PPM1E: variants seen among roughly 807,000 people sequenced by gnomAD.
The protein encoded by PPM1E is protein phosphatase 1E.
PPM1E carries 20 observed loss-of-function variants against 65.9 expected under a neutral mutation model. That is an observed-to-expected ratio of 0.30 (90% CI 0.21 to 0.44). The LOEUF (loss-of-function observed/expected upper bound fraction) is 0.44, where lower values mean the gene tolerates loss of function less well. Ranked by LOEUF, PPM1E falls within the 20% of genes least tolerant of loss-of-function variation. The pLI, the probability that PPM1E is intolerant of heterozygous loss-of-function variation, is 1.00. For missense variants in PPM1E, 713 were observed against 953.1 expected (o/e 0.75, Z 3.32); for synonymous variants, 352 against 374.9 (o/e 0.94, Z 0.70).
At chr17:58,877,382 T>C (rs1456365174) in intron 1 of PPM1E, among the ~76,000 whole-genome samples, 3 of 152,168 alleles carry the variant, frequency 2.0e-5, no homozygotes, top group East Asian at 3.8e-4. Flanking sequence ...GGCTCACATA[T>C]TATGTTTCTA....
intron 1 of PPM1E, among the ~76,000 whole-genome samples, chr17:58,923,118 CTACTAAAAA>C (rs1429559661): frequency 6.8e-6 from 1 of 147,076 alleles, no homozygotes; most frequent in African/African-American, 2.5e-5. Context: ...AAACCCATCT[CTACTAAAAA>C]TACAAAAATT....
At chr17:58,798,218 C>T (rs1003317752) in intron 1 of PPM1E, among the ~76,000 whole-genome samples, 12 of 145,750 alleles carry the variant, frequency 8.2e-5, no homozygotes, top group African/African-American at 1.0e-4. Flanking sequence ...GTGTGAATTA[C>T]GTTTTTTGTT....
At chr17:58,767,858 T>A (rs1160515673) in intron 1 of PPM1E, among the ~76,000 whole-genome samples, 1 of 152,040 alleles carries the variant, frequency 6.6e-6, no homozygotes, top group African/African-American at 2.4e-5. Context: ...GTCAGACTGG[T>A]CTCGAACTCC....
At chr17:58,765,940 G>A (rs571991473) in intron 1 of PPM1E, among the ~76,000 whole-genome samples, 1 of 149,392 alleles carries the variant, frequency 6.7e-6, no homozygotes, top group African/African-American at 2.5e-5. Flanking sequence ...GAGTGCAGTG[G>A]CCCAGTCTCG....
At chr17:58,886,962 C>G (rs1438912199) in intron 1 of PPM1E, among the ~76,000 whole-genome samples, 1 of 151,956 alleles carries the variant, frequency 6.6e-6, no homozygotes, top group Non-Finnish European at 1.5e-5. Flanking sequence ...TAAAACTGCT[C>G]TTAAAAAGTC....
intron 1 of PPM1E, among the ~76,000 whole-genome samples, chr17:58,817,219 G>T (rs768775843): frequency 1.3e-5 from 2 of 152,060 alleles, no homozygotes; most frequent in Non-Finnish European, 2.9e-5. Context: ...GAATAATGCC[G>T]CTGTAGAAAT....
intron 1 of PPM1E, among the ~76,000 whole-genome samples, chr17:58,912,486 T>G (rs1478073405): frequency 6.6e-6 from 1 of 152,150 alleles, no homozygotes; most frequent in African/African-American, 2.4e-5. Flanking sequence ...TTGGTATGTT[T>G]GAGGAATAAC....
chr17:58,909,929 T>TTC, intron 1 of PPM1E, among the ~76,000 whole-genome samples: 1 of 135,940 alleles, frequency 7.4e-6, no homozygotes, highest in Admixed American at 7.3e-5. Flanking sequence ...TTTTTCTTTT[T>TTC]TTTTTTTTTT....
Position 58,767,275 on chromosome 17 carries a change from T to C in PPM1E, c.464+10814T>C, listed in dbSNP as rs1312365838. On this transcript the variant is annotated intron_variant, in intron 1 of 6. Coordinates refer to ENST00000308249, the MANE Select transcript of PPM1E (RefSeq NM_014906.5). ...AAATATATGATAAAGATTTTTATCATTAACCTGTTTTGCAGATGAAAAAGC... is the reference window on the plus strand; with the variant it reads ...AAATATATGATAAAGATTTTTATCACTAACCTGTTTTGCAGATGAAAAAGC... Among the ~76,000 whole-genome samples the C allele has an allele frequency of 1.3e-5, 2 of 152,220 alleles. 1 individual carries two copies. The highest frequency in any genetic ancestry group is 1.3e-4 in the Admixed American group (2 of 15,240).
chr17:58,755,861 G>A lies in PPM1E; in HGVS notation c.-137G>A. 1 of 1,437,598 alleles carries A rather than the reference G, an allele frequency of 7.0e-7. No individual in the cohort carries two copies. Among genetic ancestry groups the A allele is most frequent in the Non-Finnish European group, 9.1e-7 (1 of 1,096,390 alleles). 89.1% of individuals were successfully genotyped at this position (1,437,598 alleles called of 1,614,324 possible). ...CGCACGCCTGCGGGAGCCCTCTCCA[G>A]GCAACCTAGTGCTGATCGCTCGTGC... On this transcript the variant is annotated 5_prime_UTR_variant, in exon 1 of 7. Coordinates refer to ENST00000308249, the MANE Select transcript of PPM1E (RefSeq NM_014906.5).
At chr17:58,883,796 C>T (rs2051234372) in intron 1 of PPM1E, among the ~76,000 whole-genome samples, 1 of 152,060 alleles carries the variant, frequency 6.6e-6, no homozygotes, top group Non-Finnish European at 1.5e-5. Context: ...GCTGCCTGTT[C>T]TTAAATAAGA....
chr17:58,964,042 C>T (rs974357231), intron 2 of PPM1E, among the ~76,000 whole-genome samples: 2 of 152,078 alleles, frequency 1.3e-5, no homozygotes, highest in African/African-American at 4.8e-5. Context: ...AAGAGGTAAA[C>T]GTAGTCACAG....
At chr17:58,803,023 C>A (rs958111878) in intron 1 of PPM1E, among the ~76,000 whole-genome samples, 6 of 151,994 alleles carry the variant, frequency 3.9e-5, no homozygotes, top group Admixed American at 2.0e-4. Flanking sequence ...GCTTTTATTT[C>A]TTTTTCTTGC....
At chr17:58,834,293 T>C (rs1378938743) in intron 1 of PPM1E, among the ~76,000 whole-genome samples, 2 of 152,194 alleles carry the variant, frequency 1.3e-5, no homozygotes, top group African/African-American at 4.8e-5. Context: ...TGATTCTAGA[T>C]ATAAATTATT....
intron 3 of PPM1E, among the ~76,000 whole-genome samples, chr17:58,966,889 T>TGGG (rs2030289826): frequency 6.6e-6 from 1 of 152,232 alleles, no homozygotes; most frequent in Non-Finnish European, 1.5e-5. Context: ...GATGGCAGGT[T>TGGG]GGTAATTGGT....
Position 58,781,009 on chromosome 17 carries a change from T to C in PPM1E, c.464+24548T>C, listed in dbSNP as rs115479504. On this transcript the variant is annotated intron_variant, in intron 1 of 6. Transcript: ENST00000308249. ...AGGAGTTTTAATTTTGTCAAAATGC[T>C]TAAATTGAAACCTGGAAGTCTATAA... Among the ~76,000 whole-genome samples the C allele has an allele frequency of 9.9e-4, 151 of 152,302 alleles. 2 individuals carry two copies. Among genetic ancestry groups the C allele is most frequent in the African/African-American group, 3.6e-3 (148 of 41,588 alleles).
chr17:58,780,709 C>G (rs909303704), intron 1 of PPM1E, among the ~76,000 whole-genome samples: 18 of 152,082 alleles, frequency 1.2e-4, no homozygotes, highest in Admixed American at 1.1e-3. Flanking sequence ...ACAAGAGAAT[C>G]TTTTTCTATA....
At chr17:58,848,263 A>G (rs2050791387) in intron 1 of PPM1E, among the ~76,000 whole-genome samples, 1 of 152,018 alleles carries the variant, frequency 6.6e-6, no homozygotes, top group Admixed American at 6.6e-5. Context: ...AATACGCTTT[A>G]TTTCCTTCTC....
At chr17:58,776,550 C>G (rs899724022) in intron 1 of PPM1E, among the ~76,000 whole-genome samples, 1 of 152,104 alleles carries the variant, frequency 6.6e-6, no homozygotes, top group Non-Finnish European at 1.5e-5. Context: ...TAATGTCTCT[C>G]TGGTACACAG....
Sources: gnomAD v4.1 joint callset for allele counts (sites outside exome capture counted in the v4.1 genomes callset) on GRCh38, gnomAD v4.1.1 for gene constraint, MANE v1.5 for transcripts, NCBI Gene and HGNC (gene_info 2026-07-23, HGNC 2026-07-21) for gene names.